Variants in FAM110B observed in about 807,000 individuals in gnomAD.
FAM110B encodes the protein protein FAM110B.
A neutral mutation model predicts 20.4 loss-of-function variants in FAM110B; 6 were observed. The ratio of observed to expected loss-of-function variants is 0.29; its 90% CI spans 0.16 to 0.58. The LOEUF (loss-of-function observed/expected upper bound fraction) is 0.58, where lower values mean the gene tolerates loss of function less well. Ranked by LOEUF, FAM110B falls within the 20% of genes least tolerant of loss-of-function variation. The pLI is 0.90. For missense variants in FAM110B, 434 were observed against 498.2 expected, an observed-to-expected ratio of 0.87 and a Z score of 1.23; for synonymous variants, 226 against 214.1, an observed-to-expected ratio of 1.06 and a Z score of -0.49.
chr8:58,013,631 A>G (rs1804582821), intron 1 of FAM110B, among the ~76,000 whole-genome samples: 1 of 152,188 alleles, frequency 6.6e-6, no homozygotes, highest in Non-Finnish European at 1.5e-5. Context: ...GGGGGAGTCC[A>G]GTGGGGCTGC....
At chr8:58,132,592 C>T (rs1252939279) in intron 3 of FAM110B, among the ~76,000 whole-genome samples, 1 of 152,190 alleles carries the variant, frequency 6.6e-6, no homozygotes, top group African/African-American at 2.4e-5. Flanking sequence ...TCTGCTTCCC[C>T]ATCTGTCAAG....
At chr8:58,024,989 T>C (rs1585820287) in intron 1 of FAM110B, among the ~76,000 whole-genome samples, 1 of 152,334 alleles carries the variant, frequency 6.6e-6, no homozygotes, top group East Asian at 1.9e-4. Flanking sequence ...CTATATCTGC[T>C]GCATAACCCA....
chr8:58,006,923 A>ATTTTTTTTTTTTT (rs1554568496), intron 1 of FAM110B, among the ~76,000 whole-genome samples: 3 of 126,520 alleles, frequency 2.4e-5, no homozygotes, highest in South Asian at 2.6e-4. Context: ...ATATATATAT[A>ATTTTTTTTTTTTT]TTTTTCCAAA....
chr8:58,093,936 C>T (rs183762869), intron 3 of FAM110B, among the ~76,000 whole-genome samples: 7 of 152,090 alleles, frequency 4.6e-5, no homozygotes, highest in South Asian at 2.1e-4. Flanking sequence ...AGCAATGGTT[C>T]GTAGTTCTCC....
At position 58,055,367 on chromosome 8, in the gene FAM110B, G is replaced by T. The variant is rs144837237; in HGVS notation, c.-413-20168G>T. Reference sequence around the variant, plus strand: ...ACTGTGTTGGAATAGGTTTGAATAGGTCTACTCTTCTCATACCTTGATATG... The same window carrying T: ...ACTGTGTTGGAATAGGTTTGAATAGTTCTACTCTTCTCATACCTTGATATG... On this transcript the variant is annotated intron_variant, in intron 2 of 3. Transcript: ENST00000519262. 3.1e-3 allele frequency among the ~76,000 whole-genome samples: 477 copies of T among 152,250 alleles called. 7 individuals carry two copies. Among genetic ancestry groups the T allele is most frequent in the Non-Finnish European group, 4.0e-3 (273 of 68,030 alleles).
intron 1 of FAM110B, among the ~76,000 whole-genome samples, chr8:58,001,553 G>T (rs1262561537): frequency 6.6e-6 from 1 of 152,024 alleles, no homozygotes; most frequent in Non-Finnish European, 1.5e-5. Context: ...ATTCACTAGC[G>T]TTACAAGATC....
chr8:58,054,185 G>C (rs1166274827), intron 2 of FAM110B, among the ~76,000 whole-genome samples: 1 of 152,148 alleles, frequency 6.6e-6, no homozygotes, highest in Non-Finnish European at 1.5e-5. Context: ...AAAACCTTTA[G>C]GCCAAACTTA....
intron 2 of FAM110B, among the ~76,000 whole-genome samples, chr8:58,064,829 T>C (rs1805730107): frequency 1.3e-5 from 2 of 152,190 alleles, no homozygotes; most frequent in Admixed American, 1.3e-4. Context: ...TGGTTTGCGA[T>C]AAAACGTAAT....
chr8:58,073,062 G>A (rs941747628), intron 2 of FAM110B, among the ~76,000 whole-genome samples: 2 of 152,136 alleles, frequency 1.3e-5, no homozygotes, highest in Admixed American at 6.5e-5. Flanking sequence ...TAAAGTTGCC[G>A]GGATTGGAAA....
chr8:58,057,648 G>A (rs1805574268), intron 2 of FAM110B, among the ~76,000 whole-genome samples: 1 of 152,072 alleles, frequency 6.6e-6, no homozygotes, highest in African/African-American at 2.4e-5. Context: ...TGGCTTCATG[G>A]TTCAAAGGCA....
chr8:58,043,033 C>T (rs1171853655), intron 2 of FAM110B, among the ~76,000 whole-genome samples: 1 of 152,180 alleles, frequency 6.6e-6, no homozygotes, highest in South Asian at 2.1e-4. Context: ...GTGCGATGCA[C>T]CAGGGATTAG....
chr8:58,093,747 G>C (rs1265636545), intron 3 of FAM110B, among the ~76,000 whole-genome samples: 1 of 152,012 alleles, frequency 6.6e-6, no homozygotes, highest in South Asian at 2.1e-4. Context: ...TTTTGGTTCC[G>C]TATGAAATTT....
intron 2 of FAM110B, among the ~76,000 whole-genome samples, chr8:58,057,558 C>A (rs1248721100): frequency 2.0e-5 from 3 of 152,144 alleles, no homozygotes; most frequent in Non-Finnish European, 4.4e-5. Context: ...ATCAAGAATT[C>A]CCCTTTTCTC....
chr8:58,065,369 G>C (rs1259896144), intron 2 of FAM110B, among the ~76,000 whole-genome samples: 5 of 152,068 alleles, frequency 3.3e-5, no homozygotes, highest in Admixed American at 3.3e-4. Context: ...ATTATTCCAC[G>C]GTCCATGTAG....
intron 3 of FAM110B, among the ~76,000 whole-genome samples, chr8:58,125,384 A>T (rs1807473428): frequency 6.6e-6 from 1 of 152,144 alleles, no homozygotes; most frequent in Admixed American, 6.5e-5. Context: ...AACACTATTA[A>T]TGTGTTAAAT....
At chr8:58,116,986 C>T (rs972710215) in intron 3 of FAM110B, among the ~76,000 whole-genome samples, 4 of 152,146 alleles carry the variant, frequency 2.6e-5, no homozygotes, top group Admixed American at 1.3e-4. Context: ...GCTGCTCCCT[C>T]GAGACCTAAA....
intron 3 of FAM110B, among the ~76,000 whole-genome samples, chr8:58,128,033 C>A (rs1198062831): frequency 2.0e-5 from 3 of 152,206 alleles, no homozygotes; most frequent in Admixed American, 2.0e-4. Flanking sequence ...TACACAAGTA[C>A]TGTCAGTATG....
At chr8:58,118,560 G>C (rs1465181341) in intron 3 of FAM110B, among the ~76,000 whole-genome samples, 1 of 152,140 alleles carries the variant, frequency 6.6e-6, no homozygotes, top group African/African-American at 2.4e-5. Flanking sequence ...GGCAGGGTGG[G>C]GCGTGGTACC....
At chr8:58,143,971 G>A (rs1803798709) in intron 3 of FAM110B, among the ~76,000 whole-genome samples, 1 of 152,160 alleles carries the variant, frequency 6.6e-6, no homozygotes, top group African/African-American at 2.4e-5. Context: ...TTTTGAAACT[G>A]GAAGTAATTC....
Sources: allele counts gnomAD v4.1 joint callset (sites outside exome capture counted in the v4.1 genomes callset), GRCh38; gene constraint gnomAD v4.1.1; transcripts MANE v1.5; gene names NCBI Gene and HGNC (gene_info 2026-07-23, HGNC 2026-07-21).